UNC13C: variants seen among roughly 807,000 people sequenced by gnomAD.
The protein encoded by UNC13C is unc-13 homolog C, also known as protein unc-13 homolog C.
UNC13C carries 174 observed loss-of-function variants against 245.4 expected under a neutral mutation model. The ratio of observed to expected loss-of-function variants is 0.71; its 90% CI spans 0.63 to 0.80. The LOEUF is 0.80. Among genes scored for constraint, UNC13C ranks in the 30% least tolerant of loss-of-function variants. The pLI is 0.00. For missense variants in UNC13C, 2,829 were observed against 2,602.9 expected, an observed-to-expected ratio of 1.09 and a Z score of -1.89; for synonymous variants, 992 against 895.1, an observed-to-expected ratio of 1.11 and a Z score of -1.93.
At chr15:54,196,308 C>T (rs373143259) in intron 4 of UNC13C, among the ~76,000 whole-genome samples, 25 of 151,164 alleles carry the variant, frequency 1.7e-4, no homozygotes, top group African/African-American at 6.1e-4. Context: ...CTCACAAGCC[C>T]AGATCTTCAG....
At position 54,454,790 on chromosome 15, in the gene UNC13C, T is replaced by G. The variant is rs541995077; in HGVS notation, c.4933+39723T>G. Among the ~76,000 whole-genome samples, 90 of 134,094 alleles carry G rather than the reference T, an allele frequency of 6.7e-4. 1 individual carries two copies. Among genetic ancestry groups the G allele is most frequent in the Middle Eastern group, 3.6e-3 (1 of 274 alleles). 88.0% of individuals were successfully genotyped at this position (134,094 alleles called of 152,430 possible). ...AACTCCCAGTACTCCATCTCTTTTT[T>G]AAATTTTATTTATTCATTCATTCAT... On this transcript the variant is annotated intron_variant, in intron 19 of 32. Coordinates refer to ENST00000260323, the MANE Select transcript of UNC13C (RefSeq NM_001080534.3).
At chr15:54,103,919 A>T (rs1369000150) in intron 2 of UNC13C, among the ~76,000 whole-genome samples, 1 of 151,730 alleles carries the variant, frequency 6.6e-6, no homozygotes, top group Non-Finnish European at 1.5e-5. Context: ...TAATTTTTGT[A>T]TTTTTAGTAG....
chr15:54,544,568 C>T (rs1896402296), intron 26 of UNC13C, among the ~76,000 whole-genome samples: 1 of 152,316 alleles, frequency 6.6e-6, no homozygotes, highest in African/African-American at 2.4e-5. Context: ...AGCCCAAAAT[C>T]TCCTGAAGCT....
chr15:54,022,868 G>A (rs1292648195), intron 2 of UNC13C, among the ~76,000 whole-genome samples: 1 of 152,180 alleles, frequency 6.6e-6, no homozygotes. Context: ...ACCAGCTAGG[G>A]ACACTACTTC....
At chr15:54,493,643 A>G (rs889589482) in intron 19 of UNC13C, among the ~76,000 whole-genome samples, 1 of 152,130 alleles carries the variant, frequency 6.6e-6, no homozygotes, top group African/African-American at 2.4e-5. Context: ...GCTATAAATC[A>G]AAGTCCTTAG....
intron 24 of UNC13C, among the ~76,000 whole-genome samples, chr15:54,514,922 C>A (rs187900335): frequency 2.0e-4 from 31 of 152,094 alleles, no homozygotes; most frequent in Admixed American, 3.9e-4. Context: ...GCCATGTCAG[C>A]ACATTTACTT....
chr15:54,374,479 G>A (rs573088953), intron 17 of UNC13C, among the ~76,000 whole-genome samples: 25 of 152,306 alleles, frequency 1.6e-4, no homozygotes, highest in Middle Eastern at 3.4e-3. Flanking sequence ...CCTCCAGCAA[G>A]CAAACACACC....
At chr15:53,852,496 C>T in the UNC13C span, among the ~76,000 whole-genome samples, 1 of 152,132 alleles carries the variant, frequency 6.6e-6, no homozygotes, top group South Asian at 2.1e-4. Flanking sequence ...CAGCCACAGA[C>T]TTAAAGTCAC....
intron 4 of UNC13C, among the ~76,000 whole-genome samples, chr15:54,193,379 G>A (rs1489260346): frequency 6.6e-6 from 1 of 152,088 alleles, no homozygotes; most frequent in Non-Finnish European, 1.5e-5. Flanking sequence ...TATTCAGTAT[G>A]TCTTGACATC....
At chr15:54,090,458 A>T (rs191385661) in intron 2 of UNC13C, among the ~76,000 whole-genome samples, 1 of 152,290 alleles carries the variant, frequency 6.6e-6, no homozygotes, top group Admixed American at 6.5e-5. Context: ...TAATCCTCAC[A>T]ACCATCTTAT....
chr15:53,919,888 C>T, the UNC13C span, among the ~76,000 whole-genome samples: 1 of 151,952 alleles, frequency 6.6e-6, no homozygotes, highest in Non-Finnish European at 1.5e-5. Flanking sequence ...TCTCTTGATA[C>T]AAGTAATATC....
intron 1 of UNC13C, among the ~76,000 whole-genome samples, chr15:53,988,082 A>G (rs1894225141): frequency 1.3e-5 from 2 of 151,978 alleles, no homozygotes; most frequent in African/African-American, 4.8e-5. Context: ...CTGAATTTCT[A>G]GTGCCTGTAT....
intron 2 of UNC13C, among the ~76,000 whole-genome samples, chr15:54,109,010 C>T (rs1900610107): frequency 6.6e-6 from 1 of 152,084 alleles, no homozygotes; most frequent in South Asian, 2.1e-4. Context: ...AACTTTCAGT[C>T]CTTTAATCTA....
intron 13 of UNC13C, chr15:54,320,852 A>G: frequency 3.1e-6 from 1 of 322,674 alleles, no homozygotes; most frequent in Non-Finnish European, 6.1e-6. Context: ...CAAAGTTTCT[A>G]CCCTTCATTC....
rs1893826749 is a variant in UNC13C, at chr15:54,493,721, T to G, written c.4934-887T>G. Among the ~76,000 whole-genome samples the G allele has an allele frequency of 2.0e-5, 3 of 152,110 alleles. No individual in the cohort carries two copies. In the South Asian group the frequency reaches 6.2e-4, roughly 32 times the overall value. On this transcript the variant is annotated intron_variant, in intron 19 of 32. Transcript: ENST00000260323. ...CAACCTGGATATAGCTAGGTATATT[T>G]TAGGTTTCATTATGTTTACAGTTGT...
intron 2 of UNC13C, among the ~76,000 whole-genome samples, chr15:54,118,181 AT>A (rs1337638927): frequency 6.6e-6 from 1 of 150,714 alleles, no homozygotes; most frequent in African/African-American, 2.4e-5. Flanking sequence ...TGTTTTTTCT[AT>A]TTTTGTGAAA....
At chr15:54,164,520 T>A (rs2033097017) in intron 4 of UNC13C, among the ~76,000 whole-genome samples, 1 of 152,104 alleles carries the variant, frequency 6.6e-6, no homozygotes, top group Admixed American at 6.6e-5. Context: ...AAATAAAACA[T>A]CAGTAGGACA....
intron 19 of UNC13C, among the ~76,000 whole-genome samples, chr15:54,459,963 A>C (rs1210869193): frequency 6.6e-6 from 1 of 152,160 alleles, no homozygotes; most frequent in Non-Finnish European, 1.5e-5. Flanking sequence ...TCTGAGTGTT[A>C]TAGAACCATG....
At chr15:54,019,815 G>T (rs963340901) in intron 2 of UNC13C, among the ~76,000 whole-genome samples, 1 of 152,182 alleles carries the variant, frequency 6.6e-6, no homozygotes, top group Admixed American at 6.5e-5. Flanking sequence ...CTGGCTGGTT[G>T]TTAGAATCAT....
Sources: gnomAD v4.1 joint callset for allele counts (sites outside exome capture counted in the v4.1 genomes callset) on GRCh38, gnomAD v4.1.1 for gene constraint, MANE v1.5 for transcripts, NCBI Gene and HGNC (gene_info 2026-07-23, HGNC 2026-07-21) for gene names.